The following SMG6 variants were observed in gnomAD, a reference collection of about 807,000 sequenced individuals.
SMG6 encodes telomerase-binding protein EST1A.
In SMG6, 66 loss-of-function variants were observed where a neutral mutation model predicts 142.2. The observed-to-expected ratio is 0.46, with a 90% confidence interval of 0.38 to 0.57. SMG6 has a LOEUF of 0.57. SMG6 is among the 20% of genes least tolerant of loss of function. The probability of loss-of-function intolerance (pLI) is 0.00; values close to 1 mark genes in which losing one functional copy is unlikely to be tolerated. For missense variants in SMG6, 1,793 were observed against 1,832.0 expected (o/e 0.98, Z 0.39); for synonymous variants, 779 against 702.4 (o/e 1.11, Z -1.72).
intron 12 of SMG6, among the ~76,000 whole-genome samples, chr17:2,186,057 C>T (rs1247869832): frequency 6.6e-6 from 1 of 151,918 alleles, no homozygotes; most frequent in Admixed American, 6.6e-5. Flanking sequence ...GAAACCCTGT[C>T]TCTACCGAAA....
intron 10 of SMG6, among the ~76,000 whole-genome samples, chr17:2,226,851 G>A (rs1035166946): frequency 8.6e-5 from 13 of 150,600 alleles, no homozygotes; most frequent in Middle Eastern, 3.5e-3. Flanking sequence ...GCAGTGAGCC[G>A]AGATCACGCC....
chr17:2,168,828 A>C (rs1391636990), intron 13 of SMG6, among the ~76,000 whole-genome samples: 1 of 151,864 alleles, frequency 6.6e-6, no homozygotes, highest in African/African-American at 2.4e-5. Context: ...GGCTCACTGC[A>C]ACCTCTACCT....
chr17:2,260,821 C>A (rs1232754884), intron 8 of SMG6, among the ~76,000 whole-genome samples: 1 of 151,060 alleles, frequency 6.6e-6, no homozygotes, highest in Admixed American at 6.6e-5. Flanking sequence ...AATGGCAAAA[C>A]CCTGTCTCTA....
At chr17:2,129,906 T>G (rs530738548) in intron 13 of SMG6, among the ~76,000 whole-genome samples, 1 of 151,760 alleles carries the variant, frequency 6.6e-6, no homozygotes, top group East Asian at 1.9e-4. Flanking sequence ...ATTATTATGG[T>G]TACCATTATA....
chr17:2,280,696 A>G (rs550451342), intron 8 of SMG6: 32 of 601,446 alleles, frequency 5.3e-5, no homozygotes, highest in South Asian at 7.4e-5. Context: ...AGTTTCATCA[A>G]TAGTTTAGAA....
intron 9 of SMG6, chr17:2,237,595 G>A (rs932298640): frequency 4.3e-5 from 42 of 984,316 alleles, no homozygotes; most frequent in Non-Finnish European, 5.1e-5. Flanking sequence ...TCAGGCCAGT[G>A]GAAATAGAAT....
chr17:2,111,964 A>G (rs974559640), intron 13 of SMG6, among the ~76,000 whole-genome samples: 12 of 152,164 alleles, frequency 7.9e-5, no homozygotes, highest in Non-Finnish European at 1.5e-5. Flanking sequence ...TCCCTGGACC[A>G]CAAATACAGT....
chr17:2,254,023 T>C (rs2074107972), intron 8 of SMG6, among the ~76,000 whole-genome samples: 1 of 152,238 alleles, frequency 6.6e-6, no homozygotes, highest in South Asian at 2.1e-4. Context: ...TGTGACAATC[T>C]GTAACAACCA....
intron 8 of SMG6, among the ~76,000 whole-genome samples, chr17:2,264,389 C>T (rs2074378394): frequency 6.6e-6 from 1 of 152,210 alleles, no homozygotes; most frequent in Non-Finnish European, 1.5e-5. Flanking sequence ...GCCAAAACTA[C>T]ATCTTTACAT....
intron 8 of SMG6, among the ~76,000 whole-genome samples, chr17:2,261,003 T>C (rs1379805051): frequency 7.8e-6 from 1 of 128,406 alleles, no homozygotes; most frequent in Admixed American, 8.2e-5. Context: ...CTCAAAAATA[T>C]ATTTAAGAAA....
At chr17:2,301,302 C>T (rs1049177681) in intron 1 of SMG6, among the ~76,000 whole-genome samples, 7 of 152,188 alleles carry the variant, frequency 4.6e-5, no homozygotes, top group African/African-American at 1.7e-4. Context: ...AAACAGCAAG[C>T]AGTTCTTTTC....
At chr17:2,110,862 A>C (rs1259208315) in intron 13 of SMG6, among the ~76,000 whole-genome samples, 2 of 152,212 alleles carry the variant, frequency 1.3e-5, no homozygotes, top group African/African-American at 4.8e-5. Flanking sequence ...GGCCAGAAAC[A>C]AAGAGTGCTA....
rs546616437 is a variant in SMG6, at chr17:2,153,534, T to C, written c.3357+19124A>G. Among the ~76,000 whole-genome samples, 4 of 152,368 alleles carry C rather than the reference T, an allele frequency of 2.6e-5. No individual in the cohort carries two copies. The South Asian group carries it at 6.2e-4, about 24-fold the overall frequency. On this transcript the variant is annotated intron_variant, in intron 13 of 18. Coordinates refer to ENST00000263073, the MANE Select transcript of SMG6 (RefSeq NM_017575.5). ...CCATCTTGGTTGCTAAGAGTCTCTATGGCACAGGGGTAAACTGGTGGAACG... is the reference window on the plus strand; with the variant it reads ...CCATCTTGGTTGCTAAGAGTCTCTACGGCACAGGGGTAAACTGGTGGAACG...
chr17:2,087,894 T>C (rs955962744), intron 13 of SMG6: 1 of 985,708 alleles, frequency 1.0e-6, no homozygotes, highest in African/African-American at 1.7e-5. Context: ...GTCGTTACAG[T>C]GTGTGTCAGC....
intron 8 of SMG6, among the ~76,000 whole-genome samples, chr17:2,281,347 C>G (rs1005244863): frequency 1.3e-5 from 2 of 152,054 alleles, no homozygotes; most frequent in African/African-American, 4.8e-5. Context: ...CAGGCTGGTA[C>G]TGAATTCCTA....
At chr17:2,245,008 A>G (rs1245728300) in intron 8 of SMG6, 1 of 386,158 alleles carries the variant, frequency 2.6e-6, no homozygotes, top group African/African-American at 2.0e-5. Flanking sequence ...GCAGGATATA[A>G]AGAAAGGTGC....
intron 16 of SMG6, among the ~76,000 whole-genome samples, chr17:2,066,425 CTTCA>C (rs1309290326): frequency 5.3e-5 from 8 of 150,716 alleles, no homozygotes; most frequent in African/African-American, 2.0e-4. Flanking sequence ...TGGGACATGG[CTTCA>C]TTTTCTGGTG....
chr17:2,136,371 G>T, intron 13 of SMG6, among the ~76,000 whole-genome samples: 1 of 152,170 alleles, frequency 6.6e-6, no homozygotes, highest in East Asian at 1.9e-4. Context: ...AATGTGGCTA[G>T]TGACTGTTAT....
intron 8 of SMG6, among the ~76,000 whole-genome samples, chr17:2,282,030 G>GT (rs1487191720): frequency 1.3e-5 from 2 of 152,198 alleles, no homozygotes; most frequent in Non-Finnish European, 2.9e-5. Context: ...TAATTACAAT[G>GT]TTAAGTCTCT....
Sources: allele counts gnomAD v4.1 joint callset (sites outside exome capture counted in the v4.1 genomes callset), GRCh38; gene constraint gnomAD v4.1.1; transcripts MANE v1.5; gene names NCBI Gene and HGNC (gene_info 2026-07-23, HGNC 2026-07-21).